GMDS: variants seen among roughly 807,000 people sequenced by gnomAD.
The protein encoded by GMDS is GDP-mannose 4,6 dehydratase.
A neutral mutation model predicts 49.9 loss-of-function variants in GMDS; 20 were observed. That is an observed-to-expected ratio of 0.40 (90% CI 0.28 to 0.58). The LOEUF (loss-of-function observed/expected upper bound fraction) is 0.58. Among genes scored for constraint, GMDS ranks in the 20% least tolerant of loss-of-function variants. The pLI is 0.42. For missense variants in GMDS, 362 were observed against 481.4 expected (o/e 0.75, Z 2.32); for synonymous variants, 177 against 178.6 (o/e 0.99, Z 0.07).
intron 1 of GMDS, among the ~76,000 whole-genome samples, chr6:2,209,045 T>A (rs978144577): frequency 6.6e-6 from 1 of 152,152 alleles, no homozygotes; most frequent in Admixed American, 6.5e-5. Context: ...ACCTCCTTCA[T>A]GTTAACAGCA....
At position 2,220,983 on chromosome 6, in the gene GMDS, C is replaced by T. The variant is rs116644416; in HGVS notation, c.102+24338G>A. ...CTTGAGATTAGGAGTTCACAACCAG[C>T]GTGGGGAATACAGCAAGACCCCGTC... is the stretch of plus-strand genomic sequence containing the variant. On this transcript the variant is annotated intron_variant, in intron 1 of 10. Transcript: ENST00000380815. Among the ~76,000 whole-genome samples, 909 of 152,134 alleles carry T rather than the reference C, an allele frequency of 6.0e-3. 19 individuals are homozygous for T. Among genetic ancestry groups the T allele is most frequent in the African/African-American group, 0.02 (841 of 41,486 alleles).
chr6:1,769,535 G>A (rs1768493388), intron 7 of GMDS, among the ~76,000 whole-genome samples: 1 of 152,168 alleles, frequency 6.6e-6, no homozygotes, highest in Admixed American at 6.5e-5. Flanking sequence ...GGACTGGCAG[G>A]ACTCAGTGAA....
At chr6:1,816,965 G>A (rs954280058) in intron 7 of GMDS, among the ~76,000 whole-genome samples, 2 of 150,992 alleles carry the variant, frequency 1.3e-5, no homozygotes, top group East Asian at 1.9e-4. Flanking sequence ...ACATTTCATC[G>A]AGAAAATATT....
At chr6:2,242,880 C>T (rs1229151499) in intron 1 of GMDS, among the ~76,000 whole-genome samples, 1 of 152,156 alleles carries the variant, frequency 6.6e-6, no homozygotes, top group Non-Finnish European at 1.5e-5. Flanking sequence ...AGAAAACATA[C>T]AATAAGGTAT....
intron 9 of GMDS, among the ~76,000 whole-genome samples, chr6:1,631,213 T>C (rs1372300565): frequency 6.6e-6 from 1 of 152,152 alleles, no homozygotes; most frequent in Non-Finnish European, 1.5e-5. Context: ...AGACATCAGC[T>C]AATTAAACCA....
At chr6:2,113,701 G>A (rs1222613993) in intron 4 of GMDS, among the ~76,000 whole-genome samples, 2 of 151,882 alleles carry the variant, frequency 1.3e-5, no homozygotes, top group Non-Finnish European at 2.9e-5. Flanking sequence ...CTCCTCTAAA[G>A]AGTCAGACAC....
chr6:1,985,152 A>G (rs960392694), intron 4 of GMDS, among the ~76,000 whole-genome samples: 1 of 152,218 alleles, frequency 6.6e-6, no homozygotes, highest in Non-Finnish European at 1.5e-5. Flanking sequence ...GCACATGGCA[A>G]CAGACAAAGC....
At chr6:2,005,260 G>A (rs756869895) in intron 4 of GMDS, among the ~76,000 whole-genome samples, 5 of 152,090 alleles carry the variant, frequency 3.3e-5, no homozygotes, top group Admixed American at 6.6e-5. Flanking sequence ...ACAAGGCCTC[G>A]TGCAATATGT....
Position 2,239,732 on chromosome 6 carries a change from C to A in GMDS, c.102+5589G>T, listed in dbSNP as rs569549389. On this transcript the variant is annotated intron_variant, in intron 1 of 10. Coordinates refer to ENST00000380815, the MANE Select transcript of GMDS (RefSeq NM_001500.4). ...ATGGAGTCTTGCTCTGTCGCCCAGG[C>A]TGGAGTGCAGTGGCACGATCTCGGC... Among the ~76,000 whole-genome samples, 12 of 151,468 alleles carry A rather than the reference C, an allele frequency of 7.9e-5. No homozygotes were observed. In the East Asian group the frequency reaches 1.8e-3, roughly 22 times the overall value.
chr6:1,748,507 G>A (rs913204126), intron 7 of GMDS, among the ~76,000 whole-genome samples: 9 of 152,136 alleles, frequency 5.9e-5, no homozygotes, highest in African/African-American at 2.2e-4. Context: ...TTCAATTTCT[G>A]TAAGGGTTTT....
At chr6:1,785,177 T>C (rs764590892) in intron 7 of GMDS, among the ~76,000 whole-genome samples, 32 of 152,342 alleles carry the variant, frequency 2.1e-4, no homozygotes, top group Middle Eastern at 6.8e-3. Flanking sequence ...GTTATGTATA[T>C]AATTCATGAA....
intron 4 of GMDS, among the ~76,000 whole-genome samples, chr6:2,014,016 C>G (rs2504725): frequency 7.0e-6 from 1 of 142,180 alleles, no homozygotes; most frequent in African/African-American, 2.7e-5. Flanking sequence ...AGAAGCTTGT[C>G]AAAAAACAAG....
Position 2,245,573 on chromosome 6 carries a change from C to G in GMDS, c.-151G>C. On this transcript the variant is annotated 5_prime_UTR_variant, in exon 1 of 11. Coordinates refer to ENST00000380815, the MANE Select transcript of GMDS (RefSeq NM_001500.4). ...GCACCGCGCGACCGGCCGCCACAGT[C>G]TGACAGGGGCGCACGGGAGGCCGTG... 2.4e-6 allele frequency: 1 copy of G among 417,424 alleles called. No individual in the cohort carries two copies. Among genetic ancestry groups the G allele is most frequent in the Non-Finnish European group, 4.1e-6 (1 of 243,130 alleles). The allele number at this position is 417,424 out of a possible 1,614,324, so 25.9% of individuals were successfully genotyped here. A position where few individuals can be genotyped will look rare whatever the true frequency, so the allele number is the denominator to read the frequency against.
intron 1 of GMDS, among the ~76,000 whole-genome samples, chr6:2,172,790 C>T (rs974514597): frequency 2.6e-5 from 4 of 152,104 alleles, no homozygotes; most frequent in Non-Finnish European, 5.9e-5. Context: ...AGAGCACACA[C>T]CTCAGTCTGA....
At chr6:2,038,567 A>G (rs1769446538) in intron 4 of GMDS, among the ~76,000 whole-genome samples, 1 of 138,630 alleles carries the variant, frequency 7.2e-6, no homozygotes, top group Non-Finnish European at 1.6e-5. Context: ...AAACAAATAT[A>G]TATTTTAAAA....
At chr6:2,163,151 A>T (rs997890600) in intron 1 of GMDS, among the ~76,000 whole-genome samples, 2 of 152,186 alleles carry the variant, frequency 1.3e-5, no homozygotes, top group African/African-American at 4.8e-5. Flanking sequence ...AATGCTGAAT[A>T]ATAGGCCCAG....
rs147636260 is a variant in GMDS at position 1,758,595 on chromosome 6, G to A, written c.772-16009C>T. Among the ~76,000 whole-genome samples the A allele has an allele frequency of 6.0e-3, 913 of 152,366 alleles. 10 individuals carry two copies. Among genetic ancestry groups the A allele is most frequent in the African/African-American group, 0.021 (876 of 41,588 alleles). Reference sequence around the variant, plus strand: ...CCTCTGGAAGATTAGAACGCAGGCTGCTGGCCCCCTTGAGGCCTGGAGCTA... The same window carrying A: ...CCTCTGGAAGATTAGAACGCAGGCTACTGGCCCCCTTGAGGCCTGGAGCTA... On this transcript the variant is annotated intron_variant, in intron 7 of 10. Coordinates refer to ENST00000380815, the MANE Select transcript of GMDS (RefSeq NM_001500.4).
intron 6 of GMDS, among the ~76,000 whole-genome samples, chr6:1,950,652 C>A (rs1561916319): frequency 6.6e-6 from 1 of 152,020 alleles, no homozygotes; most frequent in Non-Finnish European, 1.5e-5. Context: ...GAAAGTGATA[C>A]CTAAAGAAAA....
chr6:1,872,190 C>T (rs914773641), intron 7 of GMDS, among the ~76,000 whole-genome samples: 1 of 152,238 alleles, frequency 6.6e-6, no homozygotes. Flanking sequence ...GGCCGGAATG[C>T]AGTGCTGAGC....
Sources: gnomAD v4.1 joint callset for allele counts (sites outside exome capture counted in the v4.1 genomes callset) on GRCh38, gnomAD v4.1.1 for gene constraint, MANE v1.5 for transcripts, NCBI Gene and HGNC (gene_info 2026-07-23, HGNC 2026-07-21) for gene names.